Variants in PDK1 observed in about 807,000 individuals in gnomAD.
The protein encoded by PDK1 is pyruvate dehydrogenase kinase 1.
Under a neutral mutation model 54.2 loss-of-function variants are expected in PDK1, and 39 were observed. The ratio of observed to expected loss-of-function variants is 0.72; its 90% CI spans 0.56 to 0.94. The LOEUF is 0.94. PDK1 is among the 40% of genes least tolerant of loss of function. PDK1 has a pLI of 0.00. For synonymous variants in PDK1, 221 were observed against 207.1 expected (o/e 1.07, Z -0.58); for missense variants, 552 against 566.0 (o/e 0.98, Z 0.25).
the PDK1 span, among the ~76,000 whole-genome samples, chr2:172,722,749 GCTGTT>G: frequency 6.6e-6 from 1 of 152,110 alleles, no homozygotes; most frequent in Non-Finnish European, 1.5e-5. Flanking sequence ...CATTCAGTAG[GCTGTT>G]CCTAGAAATA....
At chr2:172,668,906 T>TATATAGAGAGAG in the PDK1 span, among the ~76,000 whole-genome samples, 1 of 130,650 alleles carries the variant, frequency 7.7e-6, no homozygotes, top group African/African-American at 2.9e-5. Flanking sequence ...TATATATATA[T>TATATAGAGAGAG]AGAGAGAGAG....
chr2:172,641,045 C>T, the PDK1 span, among the ~76,000 whole-genome samples: 1 of 142,236 alleles, frequency 7.0e-6, no homozygotes, highest in Admixed American at 7.2e-5. Flanking sequence ...CTTTCTGTCT[C>T]TCTCTTTCTT....
the PDK1 span, among the ~76,000 whole-genome samples, chr2:172,657,744 A>G: frequency 6.0e-4 from 92 of 152,330 alleles, no homozygotes; most frequent in African/African-American, 2.1e-3. Context: ...GGAAAGCATT[A>G]TTCTTACCTT....
At chr2:172,713,197 G>T in the PDK1 span, among the ~76,000 whole-genome samples, 1 of 152,198 alleles carries the variant, frequency 6.6e-6, no homozygotes, top group African/African-American at 2.4e-5. Flanking sequence ...CAGGGAGGTC[G>T]TCCTGCCATC....
chr2:172,626,230 T>A, the PDK1 span, among the ~76,000 whole-genome samples: 1 of 152,234 alleles, frequency 6.6e-6, no homozygotes, highest in Non-Finnish European at 1.5e-5. Context: ...ATGTAAGTAG[T>A]TAAAAGTTTT....
intron 6 of PDK1, among the ~76,000 whole-genome samples, chr2:172,567,629 T>G (rs1402303758): frequency 6.6e-6 from 1 of 152,252 alleles, no homozygotes; most frequent in Non-Finnish European, 1.5e-5. Context: ...CTTGGTGATT[T>G]TCTAAAGCCA....
At chr2:172,594,169 C>T (rs1432883860) in intron 10 of PDK1, among the ~76,000 whole-genome samples, 1 of 151,688 alleles carries the variant, frequency 6.6e-6, no homozygotes, top group East Asian at 1.9e-4. Context: ...TTCCGAATAG[C>T]TGGGATTACA....
At chr2:172,667,933 T>C in the PDK1 span, among the ~76,000 whole-genome samples, 2 of 152,226 alleles carry the variant, frequency 1.3e-5, no homozygotes, top group Non-Finnish European at 2.9e-5. Flanking sequence ...AAATGCATTG[T>C]TATCCAGTAA....
chr2:172,596,591 A>G lies in PDK1; in HGVS notation c.*622A>G, dbSNP rs1690907197. 6.6e-6 allele frequency: 1 copy of G among 152,242 alleles called. No individual in the cohort carries two copies. The highest frequency in any genetic ancestry group is 2.1e-4 in the South Asian group (1 of 4,834). The allele number at this position is 152,242 out of a possible 1,614,324, so 9.4% of individuals were successfully genotyped here. ...GACTAGCTCTCTGTGGATCTATGCC[A>G]AAATCATGGGCCATCTTTTCTAAGT... On this transcript the variant is annotated 3_prime_UTR_variant, in exon 11 of 11. Coordinates refer to ENST00000282077, the MANE Select transcript of PDK1 (RefSeq NM_002610.5).
chr2:172,631,140 A>G, the PDK1 span, among the ~76,000 whole-genome samples: 102,029 of 152,162 alleles, frequency 0.67, 35,640 homozygotes, highest in Non-Finnish European at 0.77. Context: ...CTGTTAAACA[A>G]TGTACCCCTT....
the PDK1 span, among the ~76,000 whole-genome samples, chr2:172,688,085 T>C: frequency 1.3e-5 from 2 of 152,228 alleles, no homozygotes; most frequent in African/African-American, 4.8e-5. Context: ...TCACCCTTGG[T>C]TTCCAGACAC....
At chr2:172,636,607 GCTACT>G in the PDK1 span, among the ~76,000 whole-genome samples, 3 of 151,886 alleles carry the variant, frequency 2.0e-5, no homozygotes, top group Non-Finnish European at 4.4e-5. Context: ...TGCAATCCCA[GCTACT>G]CAGGAGGTTG....
chr2:172,640,751 G>A, the PDK1 span, among the ~76,000 whole-genome samples: 2 of 152,202 alleles, frequency 1.3e-5, no homozygotes, highest in Non-Finnish European at 2.9e-5. Context: ...TTTAGATAAT[G>A]TAGGGACCAA....
the PDK1 span, among the ~76,000 whole-genome samples, chr2:172,711,865 CAAAAAAAAAAAAAAAAAAAA>C: frequency 4.4e-5 from 1 of 22,780 alleles, no homozygotes; most frequent in Admixed American, 7.0e-4. Flanking sequence ...GAACCTAGCT[CAAAAAAAAAAAAAAAAAAAA>C]AAAAAAAAGA....
the PDK1 span, among the ~76,000 whole-genome samples, chr2:172,687,546 T>G: frequency 1.3e-5 from 2 of 152,096 alleles, no homozygotes; most frequent in African/African-American, 4.8e-5. Flanking sequence ...CTCATCCTCT[T>G]TTTCCCCATT....
the PDK1 span, among the ~76,000 whole-genome samples, chr2:172,688,477 C>A: frequency 1.3e-5 from 2 of 152,188 alleles, no homozygotes; most frequent in Non-Finnish European, 2.9e-5. Flanking sequence ...GTGTGTGAAC[C>A]AGTCCCAAGC....
chr2:172,659,517 A>T, the PDK1 span, among the ~76,000 whole-genome samples: 1 of 152,102 alleles, frequency 6.6e-6, no homozygotes, highest in Non-Finnish European at 1.5e-5. Flanking sequence ...GATCTGTCTT[A>T]TGTCAATTTA....
intron 8 of PDK1, 52 bp from the exon 9 acceptor site, chr2:172,586,226 T>C: frequency 9.7e-7 from 1 of 1,034,570 alleles, no homozygotes; most frequent in Non-Finnish European, 1.5e-6. Context: ...TGTGTTGATA[T>C]TTTGCTGTTT....
intron 6 of PDK1, among the ~76,000 whole-genome samples, chr2:172,568,062 A>C (rs1463658483): frequency 6.6e-6 from 1 of 152,196 alleles, no homozygotes; most frequent in Non-Finnish European, 1.5e-5. Context: ...GGCTGGGCGC[A>C]GTGGCTCACA....
Sources: allele counts gnomAD v4.1 joint callset (sites outside exome capture counted in the v4.1 genomes callset), GRCh38; gene constraint gnomAD v4.1.1; transcripts MANE v1.5; gene names NCBI Gene and HGNC (gene_info 2026-07-23, HGNC 2026-07-21).